ITGB2: variants seen among roughly 807,000 people sequenced by gnomAD.
The protein encoded by ITGB2 is integrin subunit beta 2, also known as integrin beta-2.
A neutral mutation model predicts 86.8 loss-of-function variants in ITGB2; 56 were observed. The observed-to-expected ratio is 0.65, with a 90% confidence interval of 0.52 to 0.81. ITGB2 has a LOEUF of 0.81. Ranked by LOEUF, ITGB2 falls within the 30% of genes least tolerant of loss-of-function variation. The probability of loss-of-function intolerance (pLI) is 0.00; values close to 1 mark genes in which losing one functional copy is unlikely to be tolerated. For synonymous variants in ITGB2, 457 were observed against 450.4 expected (o/e 1.01, Z -0.19); for missense variants, 948 against 1,061.2 (o/e 0.89, Z 1.48).
Position 44,906,968 on chromosome 21 carries a change from T to C in ITGB2, c.275A>G (p.Asn92Ser), listed in dbSNP as rs760545709. The part of the protein sequence containing the change: ...TSLAETQEDH[N>S]GGQKQLSPQK... The stretch of plus-strand genomic sequence containing the variant: ...TGGGGACAGCTGCTTCTGGCCCCCA[T>C]TGTGGTCTTCCTGGGTTTCAGCGAG... The change falls in exon 4 of 16, where the codon AAT becomes AGT. Residue 92 changes from asparagine to serine, a missense_variant. Physicochemically the swap from Asn to Ser is conservative, Grantham distance 46. Transcript: ENST00000652462. 1.5e-5 allele frequency: 25 copies of C among 1,614,018 alleles called. No individual in the cohort carries two copies. Among genetic ancestry groups the C allele is most frequent in the Admixed American group, 5.0e-5 (3 of 60,008 alleles).
At position 44,894,727 on chromosome 21, in the gene ITGB2, G is replaced by A. The variant is rs73239715; in HGVS notation, c.1083+244C>T. 2,019 of 567,696 alleles carry A rather than the reference G, an allele frequency of 3.6e-3. 6 individuals carry two copies. Among genetic ancestry groups the A allele is most frequent in the Non-Finnish European group, 5.2e-3 (1,632 of 313,206 alleles). The allele number at this position is 567,696 out of a possible 1,614,324, so 35.2% of individuals were successfully genotyped here. On this transcript the variant is annotated intron_variant, in intron 9 of 15. Transcript: ENST00000652462. ...GAGAAGAGTCTGGAATGAAGAGTCC[G>A]GAGCTCAGGTTTCAGGGAGCATCGC...
chr21:44,899,685 C>T (rs1039503725), intron 7 of ITGB2, among the ~76,000 whole-genome samples: 4 of 152,136 alleles, frequency 2.6e-5, no homozygotes, highest in African/African-American at 9.7e-5. Context: ...CCCTTGTGAC[C>T]AGTGGTTGCC....
intron 1 of ITGB2, among the ~76,000 whole-genome samples, chr21:44,915,654 C>T (rs1316876209): frequency 6.6e-6 from 1 of 152,156 alleles, no homozygotes. Flanking sequence ...CTCATTTCTG[C>T]TTTGTAGGAA....
chr21:44,922,432 G>A (rs1319680500), upstream of ITGB2, among the ~76,000 whole-genome samples: 3 of 152,076 alleles, frequency 2.0e-5, no homozygotes, highest in Non-Finnish European at 1.5e-5. Context: ...GGAGGCCGAG[G>A]TGGGAGGATC....
upstream of ITGB2, among the ~76,000 whole-genome samples, chr21:44,921,890 AT>A (rs1340272341): frequency 6.6e-6 from 1 of 152,046 alleles, no homozygotes; most frequent in Non-Finnish European, 1.5e-5. Flanking sequence ...CGCCTGGGTA[AT>A]TTTTGTATTC....
At chr21:44,888,983 G>A (rs971193133) in intron 13 of ITGB2, 88 bp from the exon 14 acceptor site, 24 of 1,230,002 alleles carry the variant, frequency 2.0e-5, no homozygotes, top group South Asian at 8.9e-5. Flanking sequence ...GTCCACCAGG[G>A]GGGGCAGGTG....
intron 4 of ITGB2, among the ~76,000 whole-genome samples, chr21:44,904,180 C>T (rs539342654): frequency 1.3e-5 from 2 of 152,108 alleles, no homozygotes; most frequent in Non-Finnish European, 2.9e-5. Flanking sequence ...AGCCTGTCCC[C>T]TCTGCCCCAC....
chr21:44,911,236 C>T (rs555205230), intron 1 of ITGB2: 6 of 272,454 alleles, frequency 2.2e-5, no homozygotes, highest in African/African-American at 8.7e-5. Context: ...CCATACTCCC[C>T]GCAAGACACT....
At chr21:44,903,582 C>T (rs1432338180) in intron 4 of ITGB2, 47 bp from the exon 5 acceptor site, 1 of 1,610,570 alleles carries the variant, frequency 6.2e-7, no homozygotes, top group Non-Finnish European at 8.5e-7. Context: ...ACATCTCACA[C>T]AGGGTGTCTG....
chr21:44,893,014 G>A (rs544297970), intron 10 of ITGB2: 14 of 242,592 alleles, frequency 5.8e-5, no homozygotes, highest in South Asian at 4.8e-4. Context: ...CCTGACCCAG[G>A]GATTTGGGCT....
rs552635280 is a variant in ITGB2 at position 44,899,232 on chromosome 21, T to C, written c.898-70A>G. The C allele has an allele frequency of 8.3e-5, 97 of 1,174,742 alleles. 1 individual carries two copies. The East Asian group carries it at 2.4e-3, about 29-fold the overall frequency. The allele number at this position is 1,174,742 out of a possible 1,614,324, so 72.8% of individuals were successfully genotyped here. A position where few individuals can be genotyped will look rare whatever the true frequency, so the allele number is the denominator to read the frequency against. On this transcript the variant is annotated intron_variant, in intron 7 of 15. Transcript: ENST00000652462. ...AGGCTTCCAGGTACCCGCCCCTGTC[T>C]GCCCCGCTCAGCGTCAGCCCTGCCC...
At chr21:44,925,418 G>A (rs867143341), upstream of ITGB2, among the ~76,000 whole-genome samples, 34 of 115,732 alleles carry the variant, frequency 2.9e-4, no homozygotes, top group South Asian at 5.6e-4. Context: ...AAGGGAGGGA[G>A]GGAGGGAAGG....
upstream of ITGB2, among the ~76,000 whole-genome samples, chr21:44,924,205 G>A (rs566436153): frequency 1.3e-4 from 20 of 152,026 alleles, no homozygotes; most frequent in South Asian, 8.4e-4. Flanking sequence ...TGATGTGAGC[G>A]GATCACCTGA....
At chr21:44,893,011 C>T in intron 10 of ITGB2, 1 of 239,654 alleles carries the variant, frequency 4.2e-6, no homozygotes, top group South Asian at 3.5e-5. Context: ...TGGCCTGACC[C>T]AGGGATTTGG....
At chr21:44,910,159 G>T (rs1377079708) in intron 3 of ITGB2, 125 bp downstream of exon 3, 8 of 1,289,582 alleles carry the variant, frequency 6.2e-6, no homozygotes, top group Non-Finnish European at 8.6e-6. Flanking sequence ...GTGAGGCCAG[G>T]GTCTGGGGAC....
At chr21:44,897,873 G>A (rs191269017) in intron 8 of ITGB2, among the ~76,000 whole-genome samples, 2 of 152,328 alleles carry the variant, frequency 1.3e-5, no homozygotes, top group Non-Finnish European at 2.9e-5. Context: ...TGCTATGGGC[G>A]GAGGCTCCTT....
At chr21:44,924,124 T>A (rs936828977), upstream of ITGB2, among the ~76,000 whole-genome samples, 21 of 151,758 alleles carry the variant, frequency 1.4e-4, no homozygotes, top group African/African-American at 1.9e-4. Flanking sequence ...CTCTAACAGA[T>A]CTCTCTCAGA....
chr21:44,899,650 C>T (rs1162329539), intron 7 of ITGB2, among the ~76,000 whole-genome samples: 6 of 152,354 alleles, frequency 3.9e-5, no homozygotes, highest in East Asian at 1.9e-4. Context: ...GCAAGAGCGT[C>T]GCACTACGGC....
At chr21:44,890,294 C>G in intron 11 of ITGB2, 72 bp from the exon 12 acceptor site, 3 of 1,590,320 alleles carry the variant, frequency 1.9e-6, no homozygotes, top group Non-Finnish European at 2.6e-6. Context: ...GCCCTGTCCT[C>G]CAGGCCCCTT....
Sources: allele counts gnomAD v4.1 joint callset (sites outside exome capture counted in the v4.1 genomes callset), GRCh38; gene constraint gnomAD v4.1.1; transcripts MANE v1.5; gene names NCBI Gene and HGNC (gene_info 2026-07-23, HGNC 2026-07-21).